The following DYM variants were observed in gnomAD, a reference collection of about 807,000 sequenced individuals.
DYM encodes dymeclin.
A neutral mutation model predicts 93.1 loss-of-function variants in DYM; 78 were observed. The ratio of observed to expected loss-of-function variants is 0.84; its 90% CI spans 0.70 to 1.01. DYM has a LOEUF of 1.01. DYM is among the 50% of genes least tolerant of loss of function. The probability of loss-of-function intolerance (pLI) is 0.00; values close to 1 mark genes in which losing one functional copy is unlikely to be tolerated. For synonymous variants in DYM, 321 were observed against 319.7 expected (o/e 1.00, Z -0.04); for missense variants, 789 against 845.0 (o/e 0.93, Z 0.82).
chr18:49,095,448 T>G (rs988742363), intron 17 of DYM, among the ~76,000 whole-genome samples: 6 of 114,364 alleles, frequency 5.2e-5, no homozygotes, highest in Non-Finnish European at 8.7e-5. Context: ...GGTGATAGTG[T>G]TTTTTTTTTT....
chr18:49,341,437 A>G (rs1457203644), intron 6 of DYM, among the ~76,000 whole-genome samples: 1 of 144,494 alleles, frequency 6.9e-6, no homozygotes, highest in East Asian at 2.1e-4. Context: ...GGTTGCAGTA[A>G]GCTGAGATCG....
At position 49,252,150 on chromosome 18, in the gene DYM, GGAGGTTGCAGTAAGCTGA is replaced by G. The variant is rs2094301408; in HGVS notation, c.1460+4842_1460+4859del. ...GGAGAGTTGCTTGAACCTGGGAGGT[GGAGGTTGCAGTAAGCTGA>G]GATTGTGCCACTGCACTCCAGCCTG... On this transcript the variant is annotated intron_variant, in intron 13 of 17. Transcript: ENST00000675505. 3.0e-5 allele frequency among the ~76,000 whole-genome samples: 4 copies of G among 135,362 alleles called. No individual in the cohort carries two copies. In the Admixed American group the frequency reaches 3.4e-4, roughly 12 times the overall value. 88.8% of individuals were successfully genotyped at this position (135,362 alleles called of 152,430 possible).
chr18:49,242,698 T>C (rs2094049149), intron 13 of DYM, among the ~76,000 whole-genome samples: 1 of 152,034 alleles, frequency 6.6e-6, no homozygotes, highest in Non-Finnish European at 1.5e-5. Flanking sequence ...GTTATTTTTG[T>C]TTGTTTGTTT....
At chr18:49,135,231 C>T (rs1449037167) in intron 15 of DYM, among the ~76,000 whole-genome samples, 1 of 152,058 alleles carries the variant, frequency 6.6e-6, no homozygotes, top group Non-Finnish European at 1.5e-5. Context: ...TTGAAGAATG[C>T]TGAACTTTAC....
intron 3 of DYM, among the ~76,000 whole-genome samples, chr18:49,387,573 A>G (rs918736026): frequency 6.6e-6 from 1 of 152,146 alleles, no homozygotes; most frequent in African/African-American, 2.4e-5. Context: ...GCCTGGTCGA[A>G]TCCGTGATCT....
At chr18:49,285,708 T>C (rs1451124643) in intron 9 of DYM, among the ~76,000 whole-genome samples, 1 of 151,996 alleles carries the variant, frequency 6.6e-6, no homozygotes, top group South Asian at 2.1e-4. Context: ...AATTGCCTAA[T>C]GGAACACAGC....
chr18:49,067,316 G>A (rs2076512346), intron 17 of DYM, among the ~76,000 whole-genome samples: 5 of 143,878 alleles, frequency 3.5e-5, no homozygotes, highest in African/African-American at 5.3e-5. Flanking sequence ...GTAGAGGAAG[G>A]AGTGGGGTGA....
chr18:49,142,962 G>C (rs186878822), intron 15 of DYM, among the ~76,000 whole-genome samples: 196 of 152,258 alleles, frequency 1.3e-3, no homozygotes, highest in Non-Finnish European at 2.5e-3. Context: ...AGATTGTTCT[G>C]ATGTTCAGAT....
At chr18:49,045,926 C>T (rs2071433868) in intron 17 of DYM, among the ~76,000 whole-genome samples, 1 of 152,120 alleles carries the variant, frequency 6.6e-6, no homozygotes, top group African/African-American at 2.4e-5. Context: ...TGGCTGCTCC[C>T]ATCACAGCGG....
At chr18:49,085,007 T>C (rs538436828) in intron 17 of DYM, among the ~76,000 whole-genome samples, 1 of 152,366 alleles carries the variant, frequency 6.6e-6, no homozygotes, top group African/African-American at 2.4e-5. Flanking sequence ...ATACTCACTT[T>C]CTAACTATTA....
At chr18:49,300,059 CTATATATATAAATATA>C (rs1435995066) in intron 8 of DYM, among the ~76,000 whole-genome samples, 1,534 of 139,462 alleles carry the variant, frequency 0.011, 44 homozygotes, top group South Asian at 0.081. Context: ...AAAAAAAAAG[CTATATATATAAATATA>C]TATATATATA....
intron 2 of DYM, 128 bp from the exon 3 acceptor site, chr18:49,391,773 C>A (rs1236001678): frequency 7.3e-6 from 5 of 686,376 alleles, no homozygotes; most frequent in South Asian, 2.0e-5. Context: ...CAGTAGTGAA[C>A]AATAAGATCA....
At chr18:49,268,314 G>A (rs542522841) in intron 11 of DYM, among the ~76,000 whole-genome samples, 12 of 152,086 alleles carry the variant, frequency 7.9e-5, no homozygotes, top group Non-Finnish European at 1.8e-4. Context: ...AGATCAACAA[G>A]AAAGTCAGAT....
At chr18:49,413,420 C>G (rs544199300) in intron 2 of DYM, among the ~76,000 whole-genome samples, 1 of 152,130 alleles carries the variant, frequency 6.6e-6, no homozygotes, top group African/African-American at 2.4e-5. Flanking sequence ...AACAATGATG[C>G]TTACGTTAGC....
Position 49,331,933 on chromosome 18 carries a change from C to T in DYM, c.694G>A (p.Gly232Arg). ...GACTGCTGAGGGAAAACATGGGCCC[C>T]TGGAGGAGGTGGCTTTTCTTGTCTG... ...FIRQEKPPPP[G>R]AHVFPQQSDG... The change falls in exon 8 of 18, where the codon GGG becomes AGG. Residue 232 changes from glycine to arginine, a missense_variant. Physicochemically the swap from Gly to Arg is moderately radical, Grantham distance 125. This residue lies in a region of DYM where 450 missense variants were observed against 436.2 expected (regional missense o/e 1.03). Coordinates refer to ENST00000675505, the MANE Select transcript of DYM (RefSeq NM_001353214.3). 1 of 1,614,000 alleles carries T rather than the reference C, an allele frequency of 6.2e-7. No homozygotes were observed. Among genetic ancestry groups the T allele is most frequent in the Non-Finnish European group, 8.5e-7 (1 of 1,179,980 alleles).
chr18:49,419,888 T>C (rs957709829), intron 2 of DYM, among the ~76,000 whole-genome samples: 6 of 152,226 alleles, frequency 3.9e-5, no homozygotes, highest in African/African-American at 1.2e-4. Flanking sequence ...AGAAAAATTA[T>C]TTTGGACAAT....
intron 8 of DYM, among the ~76,000 whole-genome samples, chr18:49,289,770 T>A (rs868011064): frequency 4.2e-4 from 18 of 42,708 alleles, no homozygotes; most frequent in African/African-American, 9.1e-4. Context: ...TATATATATA[T>A]ATACACATAT....
chr18:49,430,334 A>G lies in DYM; in HGVS notation c.61T>C (p.Ser21Pro), dbSNP rs370090523. ...TTCTCAGAGATAGATTCCGTGCCTG[A>G]TAACTTTTTCAAGTACTCATTTTTA... ...LPKNEYLKKLSGTESISENDP... is the reference protein window; with the variant it reads ...LPKNEYLKKLPGTESISENDP... Residue 21 changes from serine to proline, a missense_variant, in exon 2 of 18, where the codon TCA (serine) becomes CCA (proline). Physicochemically the swap from Ser to Pro is moderately conservative, Grantham distance 74. Around this residue, in one of 3 missense-constraint regions of DYM, gnomAD observed 450 missense variants for 436.2 expected, o/e 1.03. Coordinates refer to ENST00000675505, the MANE Select transcript of DYM (RefSeq NM_001353214.3). 41 of 1,614,008 alleles carry G rather than the reference A, an allele frequency of 2.5e-5. No homozygotes were observed. Among genetic ancestry groups the G allele is most frequent in the Non-Finnish European group, 3.0e-5 (35 of 1,180,030 alleles).
In DYM at chr18:49,393,027, A is replaced by AGG. The variant is rs1568368277; in HGVS notation, c.141-1383_141-1382insCC. 2.0e-4 allele frequency among the ~76,000 whole-genome samples: 11 copies of AGG among 54,734 alleles called. 2 individuals are homozygous for AGG. Among genetic ancestry groups the AGG allele is most frequent in the East Asian group, 1.2e-3 (1 of 846 alleles). 35.9% of individuals were successfully genotyped at this position (54,734 alleles called of 152,430 possible). The stretch of plus-strand genomic sequence containing the variant: ...AAAAAAGAAGAAGAAGAAGAGGAAG[A>AGG]AGGAGGAGGAGGAGGAGGAGGAGGG... On this transcript the variant is annotated intron_variant, in intron 2 of 17. Transcript: ENST00000675505.
Sources: allele counts gnomAD v4.1 joint callset (sites outside exome capture counted in the v4.1 genomes callset), GRCh38; gene constraint gnomAD v4.1.1; regional missense constraint gnomAD v4.1.1; transcripts MANE v1.5; gene names NCBI Gene and HGNC (gene_info 2026-07-23, HGNC 2026-07-21).